The following GRID2 variants were observed in gnomAD, a reference collection of about 807,000 sequenced individuals.
GRID2 encodes glutamate receptor ionotropic, delta-2.
Under a neutral mutation model 114.8 loss-of-function variants are expected in GRID2, and 33 were observed. That is an observed-to-expected ratio of 0.29 (90% CI 0.22 to 0.38). The LOEUF (loss-of-function observed/expected upper bound fraction) is 0.38, where lower values mean the gene tolerates loss of function less well. Among genes scored for constraint, GRID2 ranks in the 10% least tolerant of loss-of-function variants. The pLI is 1.00. For missense variants in GRID2, 1,184 were observed against 1,257.7 expected, an observed-to-expected ratio of 0.94 and a Z score of 0.89; for synonymous variants, 505 against 449.9, an observed-to-expected ratio of 1.12 and a Z score of -1.55.
chr4:93,594,765 T>C (rs1411252142), intron 13 of GRID2, among the ~76,000 whole-genome samples: 2 of 152,220 alleles, frequency 1.3e-5, no homozygotes, highest in Admixed American at 6.5e-5. Context: ...GTGCGCCGTT[T>C]TTTAAGCCCG....
Position 93,110,926 on chromosome 4 carries a change from T to C in GRID2, c.708T>C (p.Pro236=). Residue 236 remains proline, a synonymous_variant, in exon 4 of 16, where the codon CCT becomes CCC. Transcript: ENST00000282020. ...GGCGAGCGATCCTTGTTATGAATCCTGCTACAGCCAAATCCTTCATTACTG... is the reference window on the plus strand; with the variant it reads ...GGCGAGCGATCCTTGTTATGAATCCCGCTACAGCCAAATCCTTCATTACTG... ...TLRRAILVMN[P]ATAKSFITEV... is the part of the protein sequence containing the mutation. The C allele has an allele frequency of 6.2e-7, 1 of 1,611,394 alleles. No individual in the cohort carries two copies. Among genetic ancestry groups the C allele is most frequent in the Non-Finnish European group, 8.5e-7 (1 of 1,177,494 alleles).
At chr4:93,009,496 T>C (rs1303830314) in intron 2 of GRID2, among the ~76,000 whole-genome samples, 1 of 152,096 alleles carries the variant, frequency 6.6e-6, no homozygotes, top group Admixed American at 6.6e-5. Flanking sequence ...TGGAGAAAAA[T>C]CTTCCTTATT....
intron 13 of GRID2, among the ~76,000 whole-genome samples, chr4:93,564,132 T>C (rs1041598131): frequency 2.6e-5 from 4 of 152,012 alleles, no homozygotes; most frequent in African/African-American, 9.7e-5. Context: ...AAGATATTAT[T>C]AAGTCAGATA....
chr4:93,594,421 C>T (rs1738799364), intron 13 of GRID2, among the ~76,000 whole-genome samples: 1 of 152,220 alleles, frequency 6.6e-6, no homozygotes. Context: ...TCTCAGATCT[C>T]CAGCTGCGTA....
At chr4:92,443,936 T>C (rs1733286361) in intron 1 of GRID2, among the ~76,000 whole-genome samples, 2 of 151,986 alleles carry the variant, frequency 1.3e-5, no homozygotes, top group African/African-American at 4.8e-5. Context: ...CTCCTTTGTC[T>C]CTCCCAGAAA....
chr4:92,921,662 G>A (rs1252050999), intron 2 of GRID2, among the ~76,000 whole-genome samples: 1 of 152,146 alleles, frequency 6.6e-6, no homozygotes, highest in Non-Finnish European at 1.5e-5. Context: ...CAGAACAGCG[G>A]CTATTGGTGA....
chr4:93,583,102 T>TACGTCTCCATG (rs1197487525), intron 13 of GRID2, among the ~76,000 whole-genome samples: 22 of 152,290 alleles, frequency 1.4e-4, no homozygotes, highest in African/African-American at 4.6e-4. Context: ...TGGTCGTCTC[T>TACGTCTCCATG]ACGTCTCCAT....
intron 14 of GRID2, among the ~76,000 whole-genome samples, chr4:93,689,636 A>T (rs1484986349): frequency 6.6e-6 from 1 of 151,972 alleles, no homozygotes; most frequent in Non-Finnish European, 1.5e-5. Context: ...AAAAAAAATT[A>T]CCCTATGTAA....
intron 8 of GRID2, among the ~76,000 whole-genome samples, chr4:93,360,493 A>G (rs571131525): frequency 6.6e-6 from 1 of 152,160 alleles, no homozygotes; most frequent in South Asian, 2.1e-4. Flanking sequence ...TATGTGAGAT[A>G]TCCTTTTTAA....
chr4:93,010,903 A>T (rs1722066743), intron 2 of GRID2, among the ~76,000 whole-genome samples: 1 of 152,008 alleles, frequency 6.6e-6, no homozygotes, highest in East Asian at 1.9e-4. Flanking sequence ...CTTATATGCC[A>T]TTTATAAAAT....
In GRID2 at chr4:93,609,056, T is replaced by C. The variant is rs1236067562; in HGVS notation, c.2194-17213T>C. On this transcript the variant is annotated intron_variant, in intron 13 of 15. Coordinates refer to ENST00000282020, the MANE Select transcript of GRID2 (RefSeq NM_001510.4). ...GTGGTTTTGATTTGCATTTCTCTGATGGCCAGTGATGATGAGCATTTTTTC... is the reference window on the plus strand; with the variant it reads ...GTGGTTTTGATTTGCATTTCTCTGACGGCCAGTGATGATGAGCATTTTTTC... Among the ~76,000 whole-genome samples, 13 of 101,960 alleles carry C rather than the reference T, an allele frequency of 1.3e-4. 1 individual carries two copies. The East Asian group carries it at 2.9e-3, about 23-fold the overall frequency. 66.9% of individuals were successfully genotyped at this position (101,960 alleles called of 152,430 possible).
chr4:93,469,484 A>G (rs1724601457), intron 11 of GRID2, among the ~76,000 whole-genome samples: 1 of 151,956 alleles, frequency 6.6e-6, no homozygotes, highest in Non-Finnish European at 1.5e-5. Context: ...TATACCTTCT[A>G]TTTATCCATA....
chr4:93,043,203 G>T lies in GRID2; in HGVS notation c.245-41792G>T, dbSNP rs376210862. Among the ~76,000 whole-genome samples the T allele has an allele frequency of 1.1e-4, 17 of 152,156 alleles. 1 individual carries two copies. Among genetic ancestry groups the T allele is most frequent in the African/African-American group, 4.1e-4 (17 of 41,528 alleles). On this transcript the variant is annotated intron_variant, in intron 2 of 15. Transcript: ENST00000282020. ...TGGATTTAGCAATTAAGTGTTTGTT[G>T]GTAACTTTCAAGATCATTCAGAAAT...
At chr4:92,702,656 A>G (rs1206126371) in intron 2 of GRID2, 1 of 151,874 alleles carries the variant, frequency 6.6e-6, no homozygotes, top group East Asian at 1.9e-4. Context: ...ATTTATTCAT[A>G]GTATACTATA....
chr4:92,791,338 G>A (rs923124157), intron 2 of GRID2, among the ~76,000 whole-genome samples: 6 of 151,186 alleles, frequency 4.0e-5, no homozygotes, highest in African/African-American at 1.2e-4. Context: ...TACAGAATAA[G>A]GAAAGTAGGA....
intron 1 of GRID2, among the ~76,000 whole-genome samples, chr4:92,336,963 T>TTTTG (rs1727214284): frequency 6.7e-6 from 1 of 149,090 alleles, no homozygotes; most frequent in South Asian, 2.1e-4. Context: ...TGTTTTTTTT[T>TTTTG]TTTTTTTTTT....
At chr4:93,522,795 G>C (rs1730467191) in intron 13 of GRID2, among the ~76,000 whole-genome samples, 1 of 152,136 alleles carries the variant, frequency 6.6e-6, no homozygotes, top group Admixed American at 6.6e-5. Context: ...AGAGAATACA[G>C]TTATTGAAAT....
chr4:92,734,806 T>A (rs1231874949), intron 2 of GRID2, among the ~76,000 whole-genome samples: 1 of 150,892 alleles, frequency 6.6e-6, no homozygotes, highest in African/African-American at 2.4e-5. Flanking sequence ...TGGAGACATG[T>A]CTTGTTCTGT....
At chr4:92,315,502 TG>T (rs1353920979) in intron 1 of GRID2, among the ~76,000 whole-genome samples, 9 of 152,174 alleles carry the variant, frequency 5.9e-5, no homozygotes, top group Non-Finnish European at 8.8e-5. Flanking sequence ...AAATATCATT[TG>T]AAGGAAATGC....
Sources: gnomAD v4.1 joint callset for allele counts (sites outside exome capture counted in the v4.1 genomes callset) on GRCh38, gnomAD v4.1.1 for gene constraint, MANE v1.5 for transcripts, NCBI Gene and HGNC (gene_info 2026-07-23, HGNC 2026-07-21) for gene names.